The following WDR20 variants were observed in gnomAD, a reference collection of about 807,000 sequenced individuals.
The protein encoded by WDR20 is WD repeat domain 20.
WDR20 carries 3 observed loss-of-function variants against 38.7 expected under a neutral mutation model. That is an observed-to-expected ratio of 0.08 (90% confidence interval 0.04 to 0.20). The LOEUF is 0.20. WDR20 is among the 10% of genes least tolerant of loss of function. The pLI is 1.00. For synonymous variants in WDR20, 298 were observed against 285.6 expected (o/e 1.04, Z -0.44); for missense variants, 559 against 727.7 (o/e 0.77, Z 2.67).
Position 102,208,235 on chromosome 14 carries a change from T to C in WDR20, c.433-368T>C, listed in dbSNP as rs985480623. On this transcript the variant is annotated intron_variant, in intron 2 of 2. Transcript: ENST00000342702. The surrounding 1 kb of genome is among the most constrained non-coding windows in gnomAD (Gnocchi z 5.6). ...TCGTAGAGGGGATACCACATGCAGATGCAGTGACCCCCAGATTCAGATGCA... is the reference window on the plus strand; with the variant it reads ...TCGTAGAGGGGATACCACATGCAGACGCAGTGACCCCCAGATTCAGATGCA... 2.0e-5 allele frequency among the ~76,000 whole-genome samples: 3 copies of C among 152,310 alleles called. No homozygotes were observed. The East Asian group carries it at 5.8e-4, about 29-fold the overall frequency.
chr14:102,177,000 T>G (rs1326405094), intron 1 of WDR20, among the ~76,000 whole-genome samples: 1 of 152,206 alleles, frequency 6.6e-6, no homozygotes, highest in Non-Finnish European at 1.5e-5. Context: ...AGTGCTGGGA[T>G]TACAGGCGTA....
At chr14:102,197,310 A>G (rs1215479454) in intron 2 of WDR20, among the ~76,000 whole-genome samples, 1 of 152,212 alleles carries the variant, frequency 6.6e-6, no homozygotes, top group African/African-American at 2.4e-5. Flanking sequence ...CAGTTTAGTA[A>G]GAATGGACAG....
intron 1 of WDR20, among the ~76,000 whole-genome samples, chr14:102,166,241 A>T (rs2059761219): frequency 6.6e-6 from 1 of 151,894 alleles, no homozygotes; most frequent in South Asian, 2.1e-4. Flanking sequence ...AGCCTCCCCT[A>T]AGCAAGCATT....
intron 2 of WDR20, among the ~76,000 whole-genome samples, chr14:102,196,690 A>G (rs1357201532): frequency 1.3e-5 from 2 of 152,170 alleles, no homozygotes; most frequent in African/African-American, 4.8e-5. Flanking sequence ...ACACGTCCCC[A>G]GAATCTCAGG....
chr14:102,190,707 T>C (rs1446978338), intron 1 of WDR20, among the ~76,000 whole-genome samples: 1 of 149,562 alleles, frequency 6.7e-6, no homozygotes, highest in Non-Finnish European at 1.5e-5. Flanking sequence ...TGATAGAAAT[T>C]AGGAGGCCAC....
intron 1 of WDR20, among the ~76,000 whole-genome samples, chr14:102,187,044 C>T (rs777204054): frequency 4.6e-5 from 7 of 151,922 alleles, no homozygotes; most frequent in Admixed American, 6.6e-5. Context: ...GGCCCCTAGT[C>T]GTTCCACTTC....
intron 1 of WDR20, among the ~76,000 whole-genome samples, chr14:102,181,725 A>G (rs1192299100): frequency 6.6e-6 from 1 of 152,138 alleles, no homozygotes; most frequent in East Asian, 1.9e-4. Context: ...ATTACGTCAT[A>G]TGAGACTGCA....
At chr14:102,210,867 G>A (rs962525248), downstream of WDR20, among the ~76,000 whole-genome samples, 1 of 152,096 alleles carries the variant, frequency 6.6e-6, no homozygotes, top group Non-Finnish European at 1.5e-5. Context: ...TTTGGGCTTC[G>A]TCCCCCGCAG....
chr14:102,199,686 A>G (rs2059986893), intron 2 of WDR20, among the ~76,000 whole-genome samples: 1 of 152,198 alleles, frequency 6.6e-6, no homozygotes, highest in African/African-American at 2.4e-5. Context: ...TGCCTGGTAC[A>G]TGAAAATGTA....
chr14:102,149,062 C>T (rs1411325869), intron 1 of WDR20, among the ~76,000 whole-genome samples: 3 of 152,052 alleles, frequency 2.0e-5, no homozygotes, highest in South Asian at 2.1e-4. Context: ...ACTCGGAAGG[C>T]TGAGGCAGGA....
chr14:102,152,170 C>T (rs1020378252), intron 1 of WDR20, among the ~76,000 whole-genome samples: 2 of 152,198 alleles, frequency 1.3e-5, no homozygotes, highest in East Asian at 3.9e-4. Flanking sequence ...CCCATCACAG[C>T]CTCCCACAGT....
intron 1 of WDR20, among the ~76,000 whole-genome samples, chr14:102,165,518 C>G (rs1206175244): frequency 6.6e-6 from 1 of 152,020 alleles, no homozygotes; most frequent in East Asian, 1.9e-4. Context: ...AACATTCCCT[C>G]TAAGTGTTGT....
chr14:102,193,582 T>C, intron 1 of WDR20: 1 of 1,509,494 alleles, frequency 6.6e-7, no homozygotes, highest in South Asian at 1.2e-5. Flanking sequence ...CCAGAACTAC[T>C]TGTTACCGCT....
In WDR20 at chr14:102,220,111, C is replaced by A. The variant is rs28379925; in HGVS notation, c.1693-2719C>A. Among the ~76,000 whole-genome samples, 8,032 of 152,306 alleles carry A rather than the reference C, an allele frequency of 0.053. 272 individuals are homozygous for A. Among genetic ancestry groups the A allele is most frequent in the African/African-American group, 0.1 (4,274 of 41,556 alleles). ...TGTAGGGACCAGCTGGCGGAAGCAG[C>A]GTGTCCCTCAACATCAGGCTCTGGC... is the stretch of plus-strand genomic sequence containing the variant. On this transcript the variant is annotated intron_variant, in intron 3 of 3. Transcript: ENST00000335263. The surrounding 1 kb of genome is among the most constrained non-coding windows in gnomAD (Gnocchi z 4.2).
chr14:102,151,257 G>T (rs948853073), intron 1 of WDR20, among the ~76,000 whole-genome samples: 1 of 142,024 alleles, frequency 7.0e-6, no homozygotes. Context: ...AGAGCCTGAT[G>T]TTAAACCCAA....
chr14:102,205,291 G>A (rs2061324236), intron 2 of WDR20, among the ~76,000 whole-genome samples: 1 of 151,728 alleles, frequency 6.6e-6, no homozygotes, highest in Non-Finnish European at 1.5e-5. Flanking sequence ...GAATGAGAAA[G>A]CAGAGGTGAG....
chr14:102,222,929 G>A lies in WDR20; in HGVS notation c.*46G>A, dbSNP rs1251604761. The stretch of plus-strand genomic sequence containing the variant: ...CAGTCTCCCGGGACTTGGACTCGAG[G>A]GAGTGACGAGGAGGAGCTCCGAGCT... On this transcript the variant is annotated 3_prime_UTR_variant, in exon 4 of 4. Transcript: ENST00000335263. The surrounding 1 kb of genome is among the most constrained non-coding windows in gnomAD (Gnocchi z 4.4). The A allele has an allele frequency of 6.2e-7, 1 of 1,610,674 alleles. No homozygotes were observed. Among genetic ancestry groups the A allele is most frequent in the Admixed American group, 1.7e-5 (1 of 59,930 alleles).
intron 1 of WDR20, among the ~76,000 whole-genome samples, chr14:102,183,733 T>G (rs115003046): frequency 0.014 from 2,067 of 152,256 alleles, 56 homozygotes; most frequent in African/African-American, 0.047. Context: ...GGATGGGAAC[T>G]CTTCTACCGA....
intron 1 of WDR20, among the ~76,000 whole-genome samples, chr14:102,159,246 C>T (rs2058129023): frequency 6.6e-6 from 1 of 152,076 alleles, no homozygotes; most frequent in Admixed American, 6.5e-5. Flanking sequence ...CCAGCCCACC[C>T]ACTCATTTTC....
Sources: gnomAD v4.1 joint callset for allele counts (sites outside exome capture counted in the v4.1 genomes callset) on GRCh38, gnomAD v4.1.1 for gene constraint, Gnocchi (gnomAD v3.1) non-coding constraint, MANE v1.5 for transcripts, NCBI Gene and HGNC (gene_info 2026-07-23, HGNC 2026-07-21) for gene names.